IQSEC1: variants seen among roughly 807,000 people sequenced by gnomAD.
IQSEC1 encodes IQ motif and SEC7 domain-containing protein 1.
A neutral mutation model predicts 91.0 loss-of-function variants in IQSEC1; 31 were observed. The ratio of observed to expected loss-of-function variants is 0.34; its 90% CI spans 0.26 to 0.46. IQSEC1 has a LOEUF of 0.46. IQSEC1 is among the 20% of genes least tolerant of loss of function. The pLI is 1.00. For missense variants in IQSEC1, 1,388 were observed against 1,575.6 expected, an observed-to-expected ratio of 0.88 and a Z score of 2.02; for synonymous variants, 699 against 662.6, an observed-to-expected ratio of 1.05 and a Z score of -0.84.
chr3:13,047,471 A>T, intron 1 of IQSEC1: 1 of 985,314 alleles, frequency 1.0e-6, no homozygotes, highest in Non-Finnish European at 1.2e-6. Flanking sequence ...GGACGGCAAG[A>T]CAGTACCTGT....
intron 5 of IQSEC1, among the ~76,000 whole-genome samples, chr3:12,921,707 C>T (rs1696647187): frequency 6.6e-6 from 1 of 152,224 alleles, no homozygotes. Context: ...GGCTGTCTGG[C>T]TTGTGCTCCG....
intron 2 of IQSEC1, among the ~76,000 whole-genome samples, chr3:13,156,592 A>G (rs946387520): frequency 2.0e-5 from 3 of 152,250 alleles, no homozygotes; most frequent in African/African-American, 7.2e-5. Context: ...AGTGGCAAGT[A>G]CAGAGACCAA....
In IQSEC1 at chr3:12,900,664, A is replaced by T. The variant is rs1325493062; in HGVS notation, c.*319T>A. On this transcript the variant is annotated 3_prime_UTR_variant, in exon 14 of 14. Coordinates refer to ENST00000613206, the MANE Select transcript of IQSEC1 (RefSeq NM_001134382.3). ...TATGCATGTACATTAGGGCACAGGG[A>T]GCTGAGAGCTGGAGTGGGGGAGGCA... is the stretch of plus-strand genomic sequence containing the variant. 1.6e-6 allele frequency: 2 copies of T among 1,275,398 alleles called. No homozygotes were observed. The highest frequency in any genetic ancestry group is 1.9e-5 in the South Asian group (1 of 51,652). The allele number at this position is 1,275,398 out of a possible 1,614,324, so 79.0% of individuals were successfully genotyped here.
At chr3:12,931,251 G>A (rs1697646528) in intron 3 of IQSEC1, among the ~76,000 whole-genome samples, 1 of 152,142 alleles carries the variant, frequency 6.6e-6, no homozygotes, top group Non-Finnish European at 1.5e-5. Context: ...ACAGGCCACA[G>A]TGGCCTGTGT....
chr3:13,016,285 C>A (rs1352189123), intron 1 of IQSEC1, among the ~76,000 whole-genome samples: 3 of 152,226 alleles, frequency 2.0e-5, no homozygotes, highest in African/African-American at 7.2e-5. Flanking sequence ...TCTGAATTCC[C>A]ACTGCAACCG....
intron 1 of IQSEC1, among the ~76,000 whole-genome samples, chr3:12,984,732 GAT>G (rs1701637575): frequency 6.6e-6 from 1 of 150,752 alleles, no homozygotes; most frequent in African/African-American, 2.4e-5. Flanking sequence ...GAAGTCACAA[GAT>G]CAAGAGAAAA....
chr3:13,025,428 G>C (rs1159344660), intron 1 of IQSEC1, among the ~76,000 whole-genome samples: 1 of 152,216 alleles, frequency 6.6e-6, no homozygotes, highest in Non-Finnish European at 1.5e-5. Context: ...CACAGCTCAG[G>C]GACTGTGTGC....
intron 1 of IQSEC1, among the ~76,000 whole-genome samples, chr3:13,017,476 C>A (rs534842446): frequency 2.0e-5 from 3 of 152,264 alleles, no homozygotes; most frequent in Middle Eastern, 3.4e-3. Context: ...GAGCTCTCGG[C>A]GACAAGTGCT....
rs965505094 is a variant in IQSEC1, at chr3:13,069,212, G to A, written c.23+3780C>T. Among the ~76,000 whole-genome samples, 4 of 152,070 alleles carry A rather than the reference G, an allele frequency of 2.6e-5. No homozygotes were observed. In the South Asian group the frequency reaches 8.3e-4, roughly 31 times the overall value. On this transcript the variant is annotated intron_variant, in intron 1 of 13. Transcript: ENST00000613206. ...CAAGAAAGGCTACCGGTCATCACAC[G>A]TGCTTGAGTGAAGACTGGGCCTCCG...
intron 1 of IQSEC1, among the ~76,000 whole-genome samples, chr3:13,012,387 T>A (rs1023089385): frequency 7.9e-5 from 12 of 152,186 alleles, no homozygotes; most frequent in African/African-American, 2.9e-4. Flanking sequence ...CTCCTCCAGA[T>A]AAAAACTCCA....
At chr3:12,916,741 A>G (rs557095176) in intron 6 of IQSEC1, among the ~76,000 whole-genome samples, 1 of 152,366 alleles carries the variant, frequency 6.6e-6, no homozygotes, top group East Asian at 1.9e-4. Flanking sequence ...AAAAGGCTGG[A>G]AGTAACCTGT....
chr3:13,117,925 G>C (rs967182692), intron 2 of IQSEC1, among the ~76,000 whole-genome samples: 1 of 152,074 alleles, frequency 6.6e-6, no homozygotes, highest in Non-Finnish European at 1.5e-5. Flanking sequence ...TGAGGTATTT[G>C]CAAATCACAT....
chr3:12,948,654 G>A (rs553015233), intron 1 of IQSEC1, among the ~76,000 whole-genome samples: 132 of 152,288 alleles, frequency 8.7e-4, no homozygotes, highest in Non-Finnish European at 1.7e-3. Context: ...GGAGGTTCTG[G>A]GCACCAGTGA....
At chr3:13,245,223 C>T (rs56983942) in intron 1 of IQSEC1, among the ~76,000 whole-genome samples, 23,489 of 152,072 alleles carry the variant, frequency 0.15, 3,505 homozygotes, top group African/African-American at 0.39. Flanking sequence ...CACGAAGCCA[C>T]GGTGAGAAGA....
rs1401223335 is a variant in IQSEC1 at position 13,032,689 on chromosome 3, T to G, written c.23+40303A>C. 3.3e-5 allele frequency among the ~76,000 whole-genome samples: 5 copies of G among 151,862 alleles called. No homozygotes were observed. The East Asian group carries it at 9.6e-4, about 29-fold the overall frequency. On this transcript the variant is annotated intron_variant, in intron 1 of 13. Transcript: ENST00000613206. ...AGCTCCACCTCGCAGGTTCACGCCA[T>G]TCTCCTGCCTCAGCCTCCCGAGTAG...
At chr3:13,115,704 G>A (rs978629168) in intron 2 of IQSEC1, among the ~76,000 whole-genome samples, 3 of 152,216 alleles carry the variant, frequency 2.0e-5, no homozygotes, top group African/African-American at 7.2e-5. Context: ...AAGGCTGGGC[G>A]CCTGAAGTGG....
chr3:12,898,306 A>G lies in IQSEC1; in HGVS notation c.*2677T>C, dbSNP rs2124940068. 6.6e-6 allele frequency: 1 copy of G among 152,406 alleles called. No homozygotes were observed. Among genetic ancestry groups the G allele is most frequent in the South Asian group, 2.1e-4 (1 of 4,834 alleles). The allele number at this position is 152,406 out of a possible 1,614,324, so 9.4% of individuals were successfully genotyped here. Reference sequence around the variant, plus strand: ...AGCATGACTCCAGCCTCTGGAACCCAACAATGTATCTTCCACAAACTTTTG... The same window carrying G: ...AGCATGACTCCAGCCTCTGGAACCCGACAATGTATCTTCCACAAACTTTTG... On this transcript the variant is annotated 3_prime_UTR_variant, in exon 14 of 14. Coordinates refer to ENST00000613206, the MANE Select transcript of IQSEC1 (RefSeq NM_001134382.3).
At chr3:12,946,962 T>G (rs1025389514) in intron 1 of IQSEC1, among the ~76,000 whole-genome samples, 6 of 152,308 alleles carry the variant, frequency 3.9e-5, no homozygotes, top group African/African-American at 1.4e-4. Flanking sequence ...AGAGCTTGGA[T>G]GAAGCCTCAG....
intron 2 of IQSEC1, among the ~76,000 whole-genome samples, chr3:13,104,679 C>T (rs1297000912): frequency 1.3e-5 from 2 of 152,208 alleles, no homozygotes; most frequent in Admixed American, 1.3e-4. Context: ...CAGCTGCTCT[C>T]ACGGGACCCC....
Sources: gnomAD v4.1 joint callset for allele counts (sites outside exome capture counted in the v4.1 genomes callset) on GRCh38, gnomAD v4.1.1 for gene constraint, MANE v1.5 for transcripts, NCBI Gene and HGNC (gene_info 2026-07-23, HGNC 2026-07-21) for gene names.